SECISBP2L: variants seen among roughly 807,000 people sequenced by gnomAD.
SECISBP2L encodes selenocysteine insertion sequence-binding protein 2-like.
SECISBP2L carries 43 observed loss-of-function variants against 114.7 expected under a neutral mutation model. The observed-to-expected ratio is 0.38, with a 90% CI of 0.29 to 0.48. The LOEUF (loss-of-function observed/expected upper bound fraction) is 0.48. Among genes scored for constraint, SECISBP2L ranks in the 20% least tolerant of loss-of-function variants. SECISBP2L has a pLI of 0.98. For missense variants in SECISBP2L, 1,136 were observed against 1,301.1 expected (o/e 0.87, Z 1.95); for synonymous variants, 451 against 439.7 (o/e 1.03, Z -0.32).
At chr15:49,039,739 A>C (rs1351820967) in intron 1 of SECISBP2L, among the ~76,000 whole-genome samples, 1 of 151,900 alleles carries the variant, frequency 6.6e-6, no homozygotes, top group African/African-American at 2.4e-5. Context: ...CACGTTTCCC[A>C]GGCTGGTCTT....
Position 49,028,629 on chromosome 15 carries a change from G to A in SECISBP2L, c.718C>T (p.Leu240Phe). 1.2e-6 allele frequency: 2 copies of A among 1,614,186 alleles called. No individual in the cohort carries two copies. The highest frequency in any genetic ancestry group is 1.7e-6 in the Non-Finnish European group (2 of 1,180,024). The change falls in exon 5 of 18, where the codon CTC (leucine) becomes TTC (phenylalanine). Residue 240 changes from leucine to phenylalanine, a missense_variant. Leu to Phe is a conservative substitution (Grantham distance 22). Transcript: ENST00000559471. ...KSLSETTATMLWKSKGRRRRA... is the reference protein window; with the variant it reads ...KSLSETTATMFWKSKGRRRRA... ...CTTCTCCTGCCCTTGGACTTCCAGA[G>A]CATTGTTGCAGTGGTCTCTGAGAGA...
At chr15:49,028,785 T>C (rs926807240) in intron 4 of SECISBP2L, 103 bp from the exon 5 acceptor site, 13 of 973,090 alleles carry the variant, frequency 1.3e-5, no homozygotes, top group South Asian at 1.6e-5. Context: ...CCAAACTTCA[T>C]AAATGAAGAA....
chr15:49,040,565 T>C (rs1179307283), intron 1 of SECISBP2L, among the ~76,000 whole-genome samples: 1 of 111,818 alleles, frequency 8.9e-6, no homozygotes, highest in Non-Finnish European at 1.7e-5. Context: ...AGACGGAGTC[T>C]TGCTCTGTGG....
chr15:49,007,570 G>C (rs1902350310), intron 14 of SECISBP2L, among the ~76,000 whole-genome samples: 1 of 152,114 alleles, frequency 6.6e-6, no homozygotes, highest in African/African-American at 2.4e-5. Flanking sequence ...TTTATGTAAA[G>C]GATAAGTTAA....
intron 7 of SECISBP2L, among the ~76,000 whole-genome samples, chr15:49,023,826 T>C (rs1376156707): frequency 6.6e-6 from 1 of 152,174 alleles, no homozygotes; most frequent in African/African-American, 2.4e-5. Context: ...AAATAAGATA[T>C]ATACTTCTAT....
At chr15:49,022,286 A>T (rs1412020325) in intron 7 of SECISBP2L, among the ~76,000 whole-genome samples, 3 of 152,004 alleles carry the variant, frequency 2.0e-5, no homozygotes. Context: ...CCTGCCTTAC[A>T]CCACTTCTAA....
chr15:49,020,837 T>C (rs766300186), intron 7 of SECISBP2L, among the ~76,000 whole-genome samples: 68 of 152,326 alleles, frequency 4.5e-4, no homozygotes, highest in Admixed American at 1.9e-3. Flanking sequence ...GTAAGTCTTC[T>C]GATACTTGCA....
At position 48,990,249 on chromosome 15, in the gene SECISBP2L, T is replaced by C. The variant is rs1901944737; in HGVS notation, c.*1995A>G. 1 of 152,664 alleles carries C rather than the reference T, an allele frequency of 6.6e-6. No homozygotes were observed. Among genetic ancestry groups the C allele is most frequent in the African/African-American group, 2.4e-5 (1 of 41,464 alleles). The allele number at this position is 152,664 out of a possible 1,614,324, so 9.5% of individuals were successfully genotyped here. On this transcript the variant is annotated 3_prime_UTR_variant, in exon 18 of 18. Coordinates refer to ENST00000559471, the MANE Select transcript of SECISBP2L (RefSeq NM_001193489.2). ...CAAGGTCAAGAGTTATCTGAATCAC[T>C]GACATCGAGCAAAGGAAATTTACAC...
intron 4 of SECISBP2L, among the ~76,000 whole-genome samples, chr15:49,029,434 G>A (rs1300078216): frequency 4.6e-5 from 7 of 151,922 alleles, no homozygotes; most frequent in African/African-American, 1.5e-4. Context: ...ATTTTAAAAC[G>A]CCACTTTATC....
chr15:49,040,038 T>C (rs894361918), intron 1 of SECISBP2L, among the ~76,000 whole-genome samples: 1 of 152,124 alleles, frequency 6.6e-6, no homozygotes, highest in Non-Finnish European at 1.5e-5. Context: ...AACTCATAAA[T>C]TACTTTGGTA....
At chr15:49,009,119 T>C in intron 14 of SECISBP2L, 97 bp downstream of exon 14, 2 of 1,306,848 alleles carry the variant, frequency 1.5e-6, no homozygotes, top group Non-Finnish European at 2.1e-6. Flanking sequence ...TGGTCTTTTG[T>C]CTGCTTGACT....
intron 14 of SECISBP2L, among the ~76,000 whole-genome samples, chr15:49,005,654 G>C (rs779109487): frequency 7.0e-6 from 1 of 142,060 alleles, no homozygotes; most frequent in Non-Finnish European, 1.5e-5. Flanking sequence ...GTCTTTGCAC[G>C]TGAGATGGGT....
At chr15:49,014,031 C>T (rs1902490094) in intron 11 of SECISBP2L, among the ~76,000 whole-genome samples, 1 of 152,134 alleles carries the variant, frequency 6.6e-6, no homozygotes, top group African/African-American at 2.4e-5. Context: ...TATTAAACTT[C>T]GAAACAGTTT....
At position 48,999,909 on chromosome 15, in the gene SECISBP2L, C is replaced by T. The variant is rs373478436; in HGVS notation, c.2327G>A (p.Arg776Lys). The T allele has an allele frequency of 2.0e-5, 32 of 1,613,896 alleles. No individual in the cohort carries two copies. The highest frequency in any genetic ancestry group is 2.0e-5 in the Non-Finnish European group (24 of 1,179,956). ...QEIPFVFALG[R>K]KALGRCVNKL... ...GTTCACACAGCGTCCTAGAGCTTTCCTTCCAAGGGCAAACACAAAAGGAAT... is the reference window on the plus strand; with the variant it reads ...GTTCACACAGCGTCCTAGAGCTTTCTTTCCAAGGGCAAACACAAAAGGAAT... The change falls in exon 16 of 18, where the codon AGG becomes AAG. Residue 776 changes from arginine (R) to lysine (K), a missense_variant. Coordinates refer to ENST00000559471, the MANE Select transcript of SECISBP2L (RefSeq NM_001193489.2).
chr15:49,021,976 G>A (rs912093479), intron 7 of SECISBP2L, among the ~76,000 whole-genome samples: 4 of 152,072 alleles, frequency 2.6e-5, no homozygotes, highest in Non-Finnish European at 4.4e-5. Flanking sequence ...TCTTAAATGA[G>A]TAGCACAAAA....
intron 7 of SECISBP2L, among the ~76,000 whole-genome samples, chr15:49,025,148 T>C (rs1902715487): frequency 6.6e-6 from 1 of 152,220 alleles, no homozygotes; most frequent in South Asian, 2.1e-4. Flanking sequence ...TTTAGCTCTT[T>C]TGTTTTTAAT....
intron 3 of SECISBP2L, 96 bp from the exon 4 acceptor site, chr15:49,033,196 C>A: frequency 1.5e-6 from 2 of 1,366,154 alleles, no homozygotes; most frequent in Admixed American, 2.5e-5. Context: ...TTATAAAATA[C>A]ACATCTTAAG....
Position 48,991,911 on chromosome 15 carries a change from A to G in SECISBP2L, c.*333T>C, listed in dbSNP as rs772220626. 3.3e-5 allele frequency: 6 copies of G among 179,776 alleles called. No homozygotes were observed. Among genetic ancestry groups the G allele is most frequent in the African/African-American group, 4.7e-5 (2 of 42,274 alleles). 11.1% of individuals were successfully genotyped at this position (179,776 alleles called of 1,614,324 possible). On this transcript the variant is annotated 3_prime_UTR_variant, in exon 18 of 18. Transcript: ENST00000559471. The stretch of plus-strand genomic sequence containing the variant: ...GAAGCAAACACTGATAACTGCTTCT[A>G]TCCTTAGAACCTTGTTCTTTAACTT...
rs542752623 is a variant in SECISBP2L at position 49,015,082 on chromosome 15, T to A, written c.1561+1478A>T. 1.3e-3 allele frequency among the ~76,000 whole-genome samples: 201 copies of A among 152,224 alleles called. 1 individual carries two copies. In the South Asian group the frequency reaches 0.017, roughly 13 times the overall value. ...CTTTACATATATCATCTCATCTAAT[T>A]CTCAAGACAATCCTGAAGTAGGTAC... is the stretch of plus-strand genomic sequence containing the variant. On this transcript the variant is annotated intron_variant, in intron 11 of 17. Coordinates refer to ENST00000559471, the MANE Select transcript of SECISBP2L (RefSeq NM_001193489.2).
Sources: allele counts gnomAD v4.1 joint callset (sites outside exome capture counted in the v4.1 genomes callset), GRCh38; gene constraint gnomAD v4.1.1; transcripts MANE v1.5; gene names NCBI Gene and HGNC (gene_info 2026-07-23, HGNC 2026-07-21).